PHACTR3: variants seen among roughly 807,000 people sequenced by gnomAD.
The protein encoded by PHACTR3 is protein phosphatase 1, regulatory subunit 123.
PHACTR3 carries 16 observed loss-of-function variants against 66.8 expected under a neutral mutation model. The observed-to-expected ratio is 0.24, with a 90% confidence interval of 0.16 to 0.36. The LOEUF (loss-of-function observed/expected upper bound fraction) is 0.36, where lower values mean the gene tolerates loss of function less well. Among genes scored for constraint, PHACTR3 ranks in the 10% least tolerant of loss-of-function variants. PHACTR3 has a pLI of 1.00. For missense variants in PHACTR3, 647 were observed against 719.9 expected, an observed-to-expected ratio of 0.90 and a Z score of 1.16; for synonymous variants, 323 against 292.1, an observed-to-expected ratio of 1.11 and a Z score of -1.08.
intron 1 of PHACTR3, among the ~76,000 whole-genome samples, chr20:59,732,141 T>G (rs1452674133): frequency 6.6e-6 from 1 of 151,890 alleles, no homozygotes; most frequent in Non-Finnish European, 1.5e-5. Flanking sequence ...ATGAAGAGGG[T>G]TTTAGTACAG....
At chr20:59,578,178 C>A (rs191724789) in intron 1 of PHACTR3, among the ~76,000 whole-genome samples, 3 of 152,236 alleles carry the variant, frequency 2.0e-5, no homozygotes, top group Non-Finnish European at 2.9e-5. Flanking sequence ...GGGATGGGAT[C>A]TAGGAAGAGG....
intron 4 of PHACTR3, among the ~76,000 whole-genome samples, chr20:59,758,017 A>G (rs2039866190): frequency 6.6e-6 from 1 of 152,048 alleles, no homozygotes; most frequent in Non-Finnish European, 1.5e-5. Flanking sequence ...GAGAGAAGAG[A>G]CCTGGCAGGT....
chr20:59,608,000 A>G (rs2033722365), intron 1 of PHACTR3, among the ~76,000 whole-genome samples: 1 of 152,144 alleles, frequency 6.6e-6, no homozygotes, highest in South Asian at 2.1e-4. Flanking sequence ...CAGGGGACCC[A>G]CATATTTTAT....
At chr20:59,618,865 G>A (rs1215363647) in intron 1 of PHACTR3, among the ~76,000 whole-genome samples, 1 of 152,140 alleles carries the variant, frequency 6.6e-6, no homozygotes, top group Non-Finnish European at 1.5e-5. Flanking sequence ...TGAGAGCCTG[G>A]AACTGTTTAG....
chr20:59,802,770 G>C (rs546522010), intron 7 of PHACTR3, among the ~76,000 whole-genome samples: 1 of 152,118 alleles, frequency 6.6e-6, no homozygotes, highest in Non-Finnish European at 1.5e-5. Context: ...CGATGCCCCC[G>C]CCCACCACAT....
At chr20:59,758,351 T>A (rs2039881105) in intron 4 of PHACTR3, among the ~76,000 whole-genome samples, 1 of 152,218 alleles carries the variant, frequency 6.6e-6, no homozygotes, top group Non-Finnish European at 1.5e-5. Flanking sequence ...TTTTGGGCAA[T>A]GATAGAGATT....
At chr20:59,687,481 T>C (rs374778906) in intron 1 of PHACTR3, among the ~76,000 whole-genome samples, 3 of 152,270 alleles carry the variant, frequency 2.0e-5, no homozygotes, top group East Asian at 3.9e-4. Flanking sequence ...CCAGTATCAG[T>C]TGAATGCAGC....
intron 1 of PHACTR3, among the ~76,000 whole-genome samples, chr20:59,731,942 T>G (rs1269982388): frequency 6.6e-6 from 1 of 152,186 alleles, no homozygotes; most frequent in Non-Finnish European, 1.5e-5. Flanking sequence ...CATTCAAAGT[T>G]CTTAGTCCTG....
At chr20:59,659,417 G>A (rs1254816772) in intron 1 of PHACTR3, among the ~76,000 whole-genome samples, 1 of 129,348 alleles carries the variant, frequency 7.7e-6, no homozygotes, top group Non-Finnish European at 1.5e-5. Context: ...TCTGTCACCA[G>A]GCTGGAGTCC....
intron 3 of PHACTR3, among the ~76,000 whole-genome samples, chr20:59,748,208 C>A (rs1471126077): frequency 6.6e-6 from 1 of 152,082 alleles, no homozygotes; most frequent in Non-Finnish European, 1.5e-5. Flanking sequence ...TCCATTTGGG[C>A]AAATTATTTT....
intron 1 of PHACTR3, among the ~76,000 whole-genome samples, chr20:59,679,162 C>A (rs574657147): frequency 2.6e-5 from 4 of 152,226 alleles, no homozygotes; most frequent in Non-Finnish European, 5.9e-5. Context: ...TGTTGTGTAT[C>A]CTGTCCACGC....
intron 1 of PHACTR3, among the ~76,000 whole-genome samples, chr20:59,671,086 G>A (rs1047531245): frequency 6.6e-6 from 1 of 152,182 alleles, no homozygotes; most frequent in African/African-American, 2.4e-5. Flanking sequence ...AGAGAACCAT[G>A]TGGTTCTCCT....
At position 59,738,022 on chromosome 20, in the gene PHACTR3, T is replaced by C. The variant is rs6092821; in HGVS notation, c.119-5085T>C. 0.038 allele frequency among the ~76,000 whole-genome samples: 5,825 copies of C among 152,080 alleles called. 381 individuals are homozygous for C. Among genetic ancestry groups the C allele is most frequent in the African/African-American group, 0.13 (5,499 of 41,466 alleles). On this transcript the variant is annotated intron_variant, in intron 1 of 12. Coordinates refer to ENST00000371015, the MANE Select transcript of PHACTR3 (RefSeq NM_080672.5). This position sits in a 1 kb window ranked among gnomAD's most constrained non-coding sequence, Gnocchi z 4.4. Reference sequence around the variant, plus strand: ...AGTGGGGGGAGGCAGCTGATTAAAATAGTGCAGGTAGTGACGGTGGTCCTG... The same window carrying C: ...AGTGGGGGGAGGCAGCTGATTAAAACAGTGCAGGTAGTGACGGTGGTCCTG...
At chr20:59,778,965 C>T (rs768669779) in intron 7 of PHACTR3, among the ~76,000 whole-genome samples, 1 of 152,192 alleles carries the variant, frequency 6.6e-6, no homozygotes, top group African/African-American at 2.4e-5. Flanking sequence ...CCAGGCCCAC[C>T]GCTGTCTGCA....
chr20:59,612,654 G>A (rs904587510), intron 1 of PHACTR3, among the ~76,000 whole-genome samples: 4 of 152,164 alleles, frequency 2.6e-5, no homozygotes, highest in Admixed American at 6.5e-5. Context: ...AAAGTGCTGG[G>A]ATTACAGGCG....
At chr20:59,804,111 T>C (rs2041498586) in intron 7 of PHACTR3, among the ~76,000 whole-genome samples, 1 of 152,210 alleles carries the variant, frequency 6.6e-6, no homozygotes, top group African/African-American at 2.4e-5. Flanking sequence ...GGCTTTTAAG[T>C]AGCAAAACCT....
At chr20:59,767,637 G>A (rs757242600) in intron 5 of PHACTR3, among the ~76,000 whole-genome samples, 3 of 152,174 alleles carry the variant, frequency 2.0e-5, no homozygotes, top group Non-Finnish European at 2.9e-5. Context: ...AACTGTGGTT[G>A]GCAGGAGTAG....
At chr20:59,682,077 T>C (rs1445360771) in intron 1 of PHACTR3, among the ~76,000 whole-genome samples, 3 of 150,804 alleles carry the variant, frequency 2.0e-5, no homozygotes, top group Non-Finnish European at 1.5e-5. Flanking sequence ...CGGTGGCTCA[T>C]GCCTGTAATC....
At chr20:59,778,145 C>T (rs1022049521) in intron 7 of PHACTR3, among the ~76,000 whole-genome samples, 14 of 152,336 alleles carry the variant, frequency 9.2e-5, no homozygotes, top group Non-Finnish European at 1.0e-4. Flanking sequence ...GCTCTCCTGC[C>T]TGGACTTGGC....
Sources: gnomAD v4.1 joint callset for allele counts (sites outside exome capture counted in the v4.1 genomes callset) on GRCh38, gnomAD v4.1.1 for gene constraint, Gnocchi (gnomAD v3.1) non-coding constraint, MANE v1.5 for transcripts, NCBI Gene and HGNC (gene_info 2026-07-23, HGNC 2026-07-21) for gene names.